The following SLC37A3 variants were observed in gnomAD, a reference collection of about 807,000 sequenced individuals.
SLC37A3 encodes sugar phosphate exchanger 3.
In SLC37A3, 51 loss-of-function variants were observed where a neutral mutation model predicts 67.1. The ratio of observed to expected loss-of-function variants is 0.76; its 90% CI spans 0.61 to 0.96. SLC37A3 has a LOEUF of 0.96. Among genes scored for constraint, SLC37A3 ranks in the 40% least tolerant of loss-of-function variants. The pLI is 0.00. For missense variants in SLC37A3, 508 were observed against 603.0 expected, an observed-to-expected ratio of 0.84 and a Z score of 1.65; for synonymous variants, 214 against 231.4, an observed-to-expected ratio of 0.92 and a Z score of 0.68.
chr7:140,351,934 TCTC>T (rs781310337), intron 8 of SLC37A3, 125 bp downstream of exon 8: 19 of 926,674 alleles, frequency 2.1e-5, no homozygotes, highest in African/African-American at 1.1e-4. Flanking sequence ...GCAGTACTGT[TCTC>T]CTTTCACTCA....
intron 13 of SLC37A3, 72 bp downstream of exon 13, chr7:140,343,340 A>T (rs2117034234): frequency 6.2e-7 from 1 of 1,601,148 alleles, no homozygotes; most frequent in African/African-American, 1.3e-5. Context: ...ACTGAGGCCC[A>T]GAGGGCAGGT....
intron 14 of SLC37A3, among the ~76,000 whole-genome samples, chr7:140,336,646 A>G (rs1241476691): frequency 2.0e-5 from 3 of 152,202 alleles, no homozygotes; most frequent in Non-Finnish European, 4.4e-5. Flanking sequence ...CAGAATTCCT[A>G]TATTATATTC....
intron 9 of SLC37A3, among the ~76,000 whole-genome samples, chr7:140,349,548 G>C (rs1290583564): frequency 1.4e-5 from 2 of 142,500 alleles, no homozygotes; most frequent in Non-Finnish European, 3.1e-5. Flanking sequence ...AGGGGGGGGG[G>C]ACAGAGGGGC....
At chr7:140,352,512 G>A (rs1796856774) in intron 7 of SLC37A3, among the ~76,000 whole-genome samples, 1 of 152,134 alleles carries the variant, frequency 6.6e-6, no homozygotes, top group Non-Finnish European at 1.5e-5. Context: ...CAGTTGAGGG[G>A]ATTAAATACA....
Position 140,345,277 on chromosome 7 carries a change from C to T in SLC37A3, c.1127-14G>A. 1 of 1,612,994 alleles carries T rather than the reference C, an allele frequency of 6.2e-7. No homozygotes were observed. Among genetic ancestry groups the T allele is most frequent in the Non-Finnish European group, 8.5e-7 (1 of 1,179,050 alleles). On this transcript the variant is annotated splice_polypyrimidine_tract_variant and intron_variant, in intron 11 of 14. Coordinates refer to ENST00000326232, the MANE Select transcript of SLC37A3 (RefSeq NM_207113.3). The stretch of plus-strand genomic sequence containing the variant: ...CATTTGGAGAACCTGTGAGGGAAGA[C>T]ACAGACAAACCATGGTGGCTTGAAA...
chr7:140,362,726 T>G (rs1429518147), intron 5 of SLC37A3, among the ~76,000 whole-genome samples: 10 of 36,656 alleles, frequency 2.7e-4, no homozygotes, highest in Admixed American at 6.3e-4. Flanking sequence ...GGGAGGGAGG[T>G]GGGGGGTCAG....
At chr7:140,386,881 G>A (rs1441444175) in intron 1 of SLC37A3, 1 of 152,162 alleles carries the variant, frequency 6.6e-6, no homozygotes, top group African/African-American at 2.4e-5. Flanking sequence ...GCCATGTTCA[G>A]GGTGGTATGC....
In SLC37A3 at chr7:140,390,903, T is replaced by C. The variant is rs80010649; in HGVS notation, c.-71+7513A>G. Among the ~76,000 whole-genome samples, 54 of 152,294 alleles carry C rather than the reference T, an allele frequency of 3.5e-4. No homozygotes were observed. In the East Asian group the frequency reaches 9.8e-3, roughly 28 times the overall value. On this transcript the variant is annotated intron_variant, in intron 1 of 14. Transcript: ENST00000326232. Reference sequence around the variant, plus strand: ...CCCCCTCCTGTCCTCATTTCCTGCCTTACCAACTTAGAATCTACAGTGCCC... The same window carrying C: ...CCCCCTCCTGTCCTCATTTCCTGCCCTACCAACTTAGAATCTACAGTGCCC...
intron 1 of SLC37A3, among the ~76,000 whole-genome samples, chr7:140,387,683 A>C (rs1798515569): frequency 8.9e-6 from 1 of 112,744 alleles, no homozygotes; most frequent in Non-Finnish European, 1.7e-5. Context: ...ATATATAAAT[A>C]TATTATATAT....
chr7:140,358,852 A>T, intron 5 of SLC37A3, 67 bp from the exon 6 acceptor site: 1 of 1,591,018 alleles, frequency 6.3e-7, no homozygotes, highest in South Asian at 1.1e-5. Flanking sequence ...ACGCCACTCT[A>T]CCCACTTGCT....
chr7:140,364,642 A>G, intron 4 of SLC37A3, 151 bp from the exon 5 acceptor site: 6 of 669,604 alleles, frequency 9.0e-6, no homozygotes, highest in Non-Finnish European at 1.5e-5. Flanking sequence ...GGAGTTTCAC[A>G]AATGTTTCAT....
At chr7:140,386,831 A>G (rs1487302247) in intron 1 of SLC37A3, 1 of 152,150 alleles carries the variant, frequency 6.6e-6, no homozygotes, top group Non-Finnish European at 1.5e-5. Flanking sequence ...AGCACTAACC[A>G]GACCCCACCA....
chr7:140,369,732 C>T (rs1368039521), intron 3 of SLC37A3, 50 bp from the exon 4 acceptor site: 5 of 1,492,546 alleles, frequency 3.3e-6, no homozygotes, highest in African/African-American at 1.4e-5. Flanking sequence ...TCTGCCAGGG[C>T]TTTCTGTTTC....
chr7:140,395,529 G>A (rs889919478), intron 1 of SLC37A3, among the ~76,000 whole-genome samples: 14 of 151,128 alleles, frequency 9.3e-5, no homozygotes, highest in East Asian at 5.8e-4. Context: ...CGAATATGGC[G>A]AAACCCTGTC....
At chr7:140,382,063 A>C (rs2129815899) in intron 2 of SLC37A3, among the ~76,000 whole-genome samples, 1 of 151,626 alleles carries the variant, frequency 6.6e-6, no homozygotes, top group African/African-American at 2.4e-5. Flanking sequence ...AAAAAAGTAC[A>C]AAATAAAAAA....
chr7:140,349,697 T>C (rs1053094818), intron 9 of SLC37A3, among the ~76,000 whole-genome samples: 3 of 152,152 alleles, frequency 2.0e-5, no homozygotes, highest in Non-Finnish European at 2.9e-5. Flanking sequence ...CACGAGTGCA[T>C]TCTGACCAGA....
intron 10 of SLC37A3, among the ~76,000 whole-genome samples, chr7:140,346,930 G>A (rs946156706): frequency 2.0e-5 from 3 of 151,802 alleles, no homozygotes; most frequent in Non-Finnish European, 2.9e-5. Flanking sequence ...GAGCAAGACC[G>A]TGTCTCAAAA....
chr7:140,362,201 C>G (rs1004389001), intron 5 of SLC37A3, among the ~76,000 whole-genome samples: 1 of 141,974 alleles, frequency 7.0e-6, no homozygotes, highest in Non-Finnish European at 1.6e-5. Context: ...TCTGCCCCGC[C>G]GCCCTGTCTG....
At chr7:140,364,547 T>A in intron 4 of SLC37A3, 56 bp from the exon 5 acceptor site, 1 of 1,485,340 alleles carries the variant, frequency 6.7e-7, no homozygotes, top group Non-Finnish European at 9.3e-7. Context: ...TATGAAAAAG[T>A]AACATGCACT....
Sources: allele counts gnomAD v4.1 joint callset (sites outside exome capture counted in the v4.1 genomes callset), GRCh38; gene constraint gnomAD v4.1.1; transcripts MANE v1.5; gene names NCBI Gene and HGNC (gene_info 2026-07-23, HGNC 2026-07-21).